Variants in BCOR observed in about 807,000 individuals in gnomAD.
BCOR encodes BCL6 corepressor.
BCOR carries 10 observed loss-of-function variants against 86.7 expected under a neutral mutation model. The ratio of observed to expected loss-of-function variants is 0.12; its 90% CI spans 0.07 to 0.20. The LOEUF is 0.20. Ranked by LOEUF, BCOR falls within the 10% of genes least tolerant of loss-of-function variation. The probability of loss-of-function intolerance (pLI) is 1.00; values close to 1 mark genes in which losing one functional copy is unlikely to be tolerated. For synonymous variants in BCOR, 611 were observed against 609.0 expected (o/e 1.00, Z -0.05); for missense variants, 1,259 against 1,452.1 (o/e 0.87, Z 2.16).
At chrX:40,061,137 C>T (rs757822073) in intron 10 of BCOR, among the ~76,000 whole-genome samples, 17 of 112,354 alleles carry the variant, frequency 1.5e-4, no homozygotes, top group Admixed American at 2.8e-4. Flanking sequence ...CCTGCTGAAC[C>T]GCATTTTATT....
intron 1 of BCOR, among the ~76,000 whole-genome samples, chrX:40,173,242 AT>A (rs1299872060): frequency 9.0e-6 from 1 of 111,606 alleles, no homozygotes; most frequent in African/African-American, 3.3e-5. Context: ...AGGCCCTATT[AT>A]CCCAAGCTGT....
chrX:40,155,645 G>T (rs968101680), intron 1 of BCOR, among the ~76,000 whole-genome samples: 114 of 109,877 alleles, frequency 1.0e-3, no homozygotes, highest in Non-Finnish European at 1.9e-3. Context: ...GAGGGGGTGT[G>T]GGGGGGGGAA....
chrX:40,161,801 C>T (rs1938429535), intron 1 of BCOR, among the ~76,000 whole-genome samples: 1 of 112,209 alleles, frequency 8.9e-6, no homozygotes, highest in Admixed American at 9.5e-5. Context: ...GCATGAGCCA[C>T]CGCGCCTAGC....
At chrX:40,069,675 C>A (rs919032687) in intron 6 of BCOR, among the ~76,000 whole-genome samples, 1 of 112,588 alleles carries the variant, frequency 8.9e-6, no homozygotes, top group Non-Finnish European at 1.9e-5. Context: ...GTCCCTCTGA[C>A]AACCTTCCCA....
chrX:40,066,216 G>A (rs745707517), intron 6 of BCOR, among the ~76,000 whole-genome samples: 5 of 111,702 alleles, frequency 4.5e-5, no homozygotes, highest in Admixed American at 1.9e-4. Context: ...AACCAGCAAC[G>A]GATGGGCGTC....
At chrX:40,065,937 G>A (rs1935179623) in intron 6 of BCOR, among the ~76,000 whole-genome samples, 1 of 111,344 alleles carries the variant, frequency 9.0e-6, no homozygotes, top group Non-Finnish European at 1.9e-5. Flanking sequence ...AGCGGTTCAC[G>A]GCAGTCAGCT....
At chrX:40,152,830 T>C (rs1938197566) in intron 1 of BCOR, among the ~76,000 whole-genome samples, 1 of 112,568 alleles carries the variant, frequency 8.9e-6, no homozygotes, top group Non-Finnish European at 1.9e-5. Context: ...AAACTTCTTT[T>C]TGAATCTCGG....
intron 1 of BCOR, among the ~76,000 whole-genome samples, chrX:40,144,318 T>G (rs1373935181): frequency 8.9e-6 from 1 of 111,848 alleles, no homozygotes; most frequent in African/African-American, 3.3e-5. Context: ...GAAGGCCAAT[T>G]TATAGAAATT....
intron 1 of BCOR, among the ~76,000 whole-genome samples, chrX:40,096,086 G>C (rs1289418534): frequency 1.8e-5 from 2 of 112,482 alleles, no homozygotes; most frequent in Admixed American, 9.2e-5. Flanking sequence ...CGCCGGCTCC[G>C]AGCGCGGGCC....
At chrX:40,093,189 T>G (rs1936695879) in intron 1 of BCOR, among the ~76,000 whole-genome samples, 1 of 112,473 alleles carries the variant, frequency 8.9e-6, no homozygotes, top group South Asian at 3.7e-4. Flanking sequence ...TTATCTCTTA[T>G]GTATCTCTTG....
intron 1 of BCOR, among the ~76,000 whole-genome samples, chrX:40,105,666 C>G (rs1177444300): frequency 8.9e-6 from 1 of 112,876 alleles, no homozygotes; most frequent in African/African-American, 3.2e-5. Flanking sequence ...TGGGCGCGTG[C>G]TGCTGTGAGA....
rs1259489660 is a variant in BCOR, at chrX:40,097,330, G to C, written c.-156C>G. Reference sequence around the variant, plus strand: ...CGGGGGGCGGTTGGGTGGGTGGAGAGAGATATGAGGGGTGGGGGGGGTTGG... The same window carrying C: ...CGGGGGGCGGTTGGGTGGGTGGAGACAGATATGAGGGGTGGGGGGGGTTGG... On this transcript the variant is annotated 5_prime_UTR_variant, in exon 1 of 15. Transcript: ENST00000378444. The C allele has an allele frequency of 9.7e-6, 1 of 102,629 alleles. No homozygotes were observed. Among genetic ancestry groups the C allele is most frequent in the Non-Finnish European group, 2.0e-5 (1 of 49,755 alleles). The allele number at this position is 102,629 out of a possible 1,213,427, so 8.5% of individuals were successfully genotyped here.
chrX:40,138,010 T>C (rs1281727604), intron 1 of BCOR, among the ~76,000 whole-genome samples: 1 of 111,216 alleles, frequency 9.0e-6, no homozygotes, highest in Non-Finnish European at 1.9e-5. Flanking sequence ...TAGAGTGCAA[T>C]GGCGCTATCT....
rs1394435368 is a variant in BCOR at position 40,073,051 on chromosome X, G to C, written c.2295C>G (p.Ser765=). 3 of 1,210,503 alleles carry C rather than the reference G, an allele frequency of 2.5e-6. No individual in the cohort carries two copies. The highest frequency in any genetic ancestry group is 2.2e-6 in the Non-Finnish European group (2 of 895,333). ...TGGTGCTGCTAGTTTCCAAAATCTC[G>C]GAAAACCGATTCCGGAGGGTTGGGT... The part of the protein sequence containing the change: ...YEDPTLRNRF[S]EILETSSTKL... The change falls in exon 4 of 15, where the codon TCC becomes TCG. Residue 765 remains serine, a synonymous_variant. Coordinates refer to ENST00000378444, the MANE Select transcript of BCOR (RefSeq NM_001123385.2).
At chrX:40,176,721 C>T (rs1169957601) in intron 1 of BCOR, among the ~76,000 whole-genome samples, 2 of 111,507 alleles carry the variant, frequency 1.8e-5, no homozygotes, top group Admixed American at 9.4e-5. Context: ...TCGCTCCCAG[C>T]GCCCAGAGTC....
At chrX:40,133,415 C>A (rs1284044152) in intron 1 of BCOR, among the ~76,000 whole-genome samples, 17 of 106,976 alleles carry the variant, frequency 1.6e-4, no homozygotes, top group South Asian at 3.9e-4. Context: ...GGATTACAGG[C>A]GTGAGCCACC....
At chrX:40,062,489 G>A (rs2147022573) in intron 9 of BCOR, 96 bp from the exon 10 acceptor site, 1 of 1,069,195 alleles carries the variant, frequency 9.4e-7, no homozygotes, top group Non-Finnish European at 1.3e-6. Flanking sequence ...CCTGCGTGGA[G>A]AGAGGCACTT....
At chrX:40,095,553 C>T (rs1410267195) in intron 1 of BCOR, among the ~76,000 whole-genome samples, 3 of 111,191 alleles carry the variant, frequency 2.7e-5, no homozygotes, top group Non-Finnish European at 5.7e-5. Flanking sequence ...CCAAATACCA[C>T]ACTACCCCTC....
intron 1 of BCOR, among the ~76,000 whole-genome samples, chrX:40,124,432 C>T (rs1008593093): frequency 7.3e-5 from 8 of 109,895 alleles, no homozygotes; most frequent in African/African-American, 2.7e-4. Context: ...ATCACCATGC[C>T]TGGCTAATTT....
Sources: gnomAD v4.1 joint callset for allele counts (sites outside exome capture counted in the v4.1 genomes callset) on GRCh38, gnomAD v4.1.1 for gene constraint, MANE v1.5 for transcripts, NCBI Gene and HGNC (gene_info 2026-07-23, HGNC 2026-07-21) for gene names.